The following NOC4L variants were observed in gnomAD, a reference collection of about 807,000 sequenced individuals.
The protein encoded by NOC4L is nucleolar complex associated 4 homolog, also known as nucleolar complex protein 4 homolog.
NOC4L carries 40 observed loss-of-function variants against 62.8 expected under a neutral mutation model. That is an observed-to-expected ratio of 0.64 (90% CI 0.49 to 0.83). The LOEUF is 0.83. NOC4L is among the 40% of genes least tolerant of loss of function. NOC4L has a pLI of 0.00. For synonymous variants in NOC4L, 433 were observed against 299.8 expected, an observed-to-expected ratio of 1.44 and a Z score of -4.59; for missense variants, 927 against 701.9, an observed-to-expected ratio of 1.32 and a Z score of -3.62.
At chr12:132,144,801 G>T in intron 1 of NOC4L, 53 bp from the exon 2 acceptor site, 1 of 1,566,390 alleles carries the variant, frequency 6.4e-7, no homozygotes, top group Non-Finnish European at 8.6e-7. Flanking sequence ...AGCCTAGGCA[G>T]GGGCGAAGGT....
At chr12:132,144,713 C>T in intron 1 of NOC4L, 108 bp downstream of exon 1, 3 of 1,425,392 alleles carry the variant, frequency 2.1e-6, no homozygotes, top group Non-Finnish European at 2.8e-6. Flanking sequence ...GTTGGGGGGT[C>T]AGGGTGGGAG....
Position 132,152,213 on chromosome 12 carries a change from AG to A in NOC4L, c.1431+19del. 6.2e-7 allele frequency: 1 copy of A among 1,608,462 alleles called. No homozygotes were observed. Among genetic ancestry groups the A allele is most frequent in the Non-Finnish European group, 8.5e-7 (1 of 1,178,142 alleles). On this transcript the variant is annotated intron_variant, in intron 14 of 14. Transcript: ENST00000330579. The stretch of plus-strand genomic sequence containing the variant: ...GGCCTACGAGGTGCGGAACTGGGCC[AG>A]GGTGCGAGGGTCTGGGCCACGGGGC...
At chr12:132,145,491 A>G (rs1004010206) in intron 2 of NOC4L, 68 bp from the exon 3 acceptor site, 1 of 1,065,102 alleles carries the variant, frequency 9.4e-7, no homozygotes, top group Non-Finnish European at 1.4e-6. Flanking sequence ...CAGGCCTGAG[A>G]TTTTGGGCTG....
At chr12:132,146,159 C>G in intron 3 of NOC4L, 1 of 443,986 alleles carries the variant, frequency 2.3e-6, no homozygotes, top group Non-Finnish European at 4.6e-6. Flanking sequence ...TTCCATATCC[C>G]GCCCCTTTCC....
intron 3 of NOC4L, among the ~76,000 whole-genome samples, chr12:132,146,572 C>T (rs143978860): frequency 3.9e-5 from 6 of 152,316 alleles, no homozygotes; most frequent in South Asian, 4.1e-4. Flanking sequence ...TCTTACCCTC[C>T]CCCTGGCAGC....
chr12:132,148,789 C>G lies in NOC4L; in HGVS notation c.795C>G (p.Pro265=). 6.3e-7 allele frequency: 1 copy of G among 1,583,388 alleles called. No individual in the cohort carries two copies. The highest frequency in any genetic ancestry group is 8.6e-7 in the Non-Finnish European group (1 of 1,166,544). Residue 265 remains proline, a synonymous_variant, in exon 9 of 15, where the codon CCC becomes CCG. Coordinates refer to ENST00000330579, the MANE Select transcript of NOC4L (RefSeq NM_024078.3). Reference sequence around the variant, plus strand: ...ACCTGCCGGCCCCCGCCCAGCTGCCCCTCAGCCTCTACAAGAAGGTGCTGC... The same window carrying G: ...ACCTGCCGGCCCCCGCCCAGCTGCCGCTCAGCCTCTACAAGAAGGTGCTGC... The part of the protein sequence containing the change: ...MWLSFLKHKL[P]LSLYKKVLLI...
At chr12:132,152,260 C>G (rs774950258) in intron 14 of NOC4L, 22 bp from the exon 15 acceptor site, 2 of 1,585,702 alleles carry the variant, frequency 1.3e-6, no homozygotes, top group Admixed American at 3.6e-5. Context: ...GCCTGAGAGC[C>G]GCCGTGCTTT....
At position 132,151,343 on chromosome 12, in the gene NOC4L, C is replaced by T. The variant is rs150774836; in HGVS notation, c.1048C>T (p.Leu350=). 4.5e-4 allele frequency: 725 copies of T among 1,611,020 alleles called. 2 individuals carry two copies. The highest frequency in any genetic ancestry group is 1.5e-3 in the South Asian group (135 of 91,092). ...HVKYRARFFH[L]ADLFLSSSHL... is the part of the protein sequence containing the mutation. ...CAAGTACCGCGCCCGCTTCTTCCAC[C>T]TGGCTGACCTCTTCCTGTCCTCCTC... Residue 350 remains leucine (L), a synonymous_variant, in exon 11 of 15, where the codon CTG becomes TTG. Transcript: ENST00000330579.
chr12:132,148,640 T>A lies in NOC4L; in HGVS notation c.770T>A (p.Leu257His). The change falls in exon 8 of 15, where the codon CTC (leucine) becomes CAC (histidine). Residue 257 changes from leucine to histidine, a missense_variant. Physicochemically the swap from Leu to His is moderately conservative, Grantham distance 99. Coordinates refer to ENST00000330579, the MANE Select transcript of NOC4L (RefSeq NM_024078.3). ...AGGAGGGTTTTCCAGGCCATGTGGC[T>A]CAGCTTCCTCAAGCACAAGGTAGGG... ...EHRRVFQAMWLSFLKHKLPLS... is the reference protein window; with the variant it reads ...EHRRVFQAMWHSFLKHKLPLS... 1 of 1,537,456 alleles carries A rather than the reference T, an allele frequency of 6.5e-7. No individual in the cohort carries two copies. Among genetic ancestry groups the A allele is most frequent in the Non-Finnish European group, 8.8e-7 (1 of 1,140,666 alleles).
intron 7 of NOC4L, 57 bp downstream of exon 7, chr12:132,148,163 G>T: frequency 6.4e-7 from 1 of 1,563,168 alleles, no homozygotes. Flanking sequence ...TGTGTGGGGT[G>T]CATGTGAGAC....
rs1306177323 is a variant in NOC4L, at chr12:132,144,482, G to C, written c.-7G>C. The C allele has an allele frequency of 6.6e-7, 1 of 1,523,458 alleles. No individual in the cohort carries two copies. Among genetic ancestry groups the C allele is most frequent in the African/African-American group, 1.4e-5 (1 of 69,672 alleles). The allele number at this position is 1,523,458 out of a possible 1,614,324, so 94.4% of individuals were successfully genotyped here. On this transcript the variant is annotated 5_prime_UTR_variant, in exon 1 of 15. Transcript: ENST00000330579. ...GAGAATCCGCGTTGTTCCGTGTTGG[G>C]GGCGGCATGGAGCGGGAGCCGGGCG...
In NOC4L at chr12:132,148,838, C is replaced by A; in HGVS notation, c.844C>A (p.Pro282Thr). 6.2e-7 allele frequency: 1 copy of A among 1,603,458 alleles called. No homozygotes were observed. The change falls in exon 9 of 15, where the codon CCG becomes ACG. Residue 282 changes from proline to threonine, a missense_variant. Coordinates refer to ENST00000330579, the MANE Select transcript of NOC4L (RefSeq NM_024078.3). ...VLLIVHDAIL[P>T]QLAQPTLMID... The stretch of plus-strand genomic sequence containing the variant: ...GCTGATTGTGCATGACGCCATCCTG[C>A]CGCAGCTGGCGCAGCCCACGCTCAT...
At chr12:132,151,078 C>A (rs1897920434) in intron 10 of NOC4L, 37 bp downstream of exon 10, 2 of 1,560,266 alleles carry the variant, frequency 1.3e-6, no homozygotes, top group Non-Finnish European at 1.8e-6. Context: ...TCTTCCCAGT[C>A]TGCCCAGCCC....
At chr12:132,148,561 T>C in intron 7 of NOC4L, 48 bp from the exon 8 acceptor site, 1 of 1,544,792 alleles carries the variant, frequency 6.5e-7, no homozygotes, top group Non-Finnish European at 8.7e-7. Flanking sequence ...GCTCGGGCTC[T>C]GGTCTGGGGT....
intron 9 of NOC4L, 35 bp downstream of exon 9, chr12:132,148,930 A>C: frequency 1.6e-6 from 1 of 644,852 alleles, no homozygotes; most frequent in South Asian, 2.2e-5. Flanking sequence ...CCACACCCCT[A>C]ATCCCCTCGG....
Position 132,151,282 on chromosome 12 carries a change from G to A in NOC4L, c.987G>A (p.Lys329=), listed in dbSNP as rs751838503. ...GGGAGTACCCTGACTTCTACCGGAA[G>A]CTCTACGGCCTCTTGGACCCCTCTG... ...HNLEYPDFYR[K]LYGLLDPSVF... is the part of the protein sequence containing the mutation. Residue 329 remains lysine (K), a synonymous_variant, in exon 11 of 15, where the codon AAG becomes AAA. Coordinates refer to ENST00000330579, the MANE Select transcript of NOC4L (RefSeq NM_024078.3). 1 of 1,611,908 alleles carries A rather than the reference G, an allele frequency of 6.2e-7. No homozygotes were observed. Among genetic ancestry groups the A allele is most frequent in the East Asian group, 2.2e-5 (1 of 44,882 alleles).
At chr12:132,151,095 T>C in intron 10 of NOC4L, 54 bp downstream of exon 10, 2 of 1,526,666 alleles carry the variant, frequency 1.3e-6, no homozygotes, top group Non-Finnish European at 1.8e-6. Context: ...GCCCTGCTCC[T>C]CTGTCCCCTT....
rs749375574 is a variant in NOC4L at position 132,147,760 on chromosome 12, G to T, written c.581G>T (p.Arg194Leu). The T allele has an allele frequency of 1.9e-6, 3 of 1,612,730 alleles. No individual in the cohort carries two copies. Among genetic ancestry groups the T allele is most frequent in the East Asian group, 2.2e-5 (1 of 44,872 alleles). ...TMQAAVDAVARVTGQHPEVPP... is the reference protein window; with the variant it reads ...TMQAAVDAVALVTGQHPEVPP... The stretch of plus-strand genomic sequence containing the variant: ...CAGGCAGCCGTGGATGCCGTGGCCC[G>T]GGTCACTGGCCAGCACCCCGAGGTG... Residue 194 changes from arginine (R) to leucine (L), a missense_variant, in exon 5 of 15, where the codon CGG becomes CTG. Physicochemically the swap from Arg to Leu is moderately radical, Grantham distance 102. Coordinates refer to ENST00000330579, the MANE Select transcript of NOC4L (RefSeq NM_024078.3).
At chr12:132,147,241 G>GT (rs1897756806) in intron 3 of NOC4L, 40 bp from the exon 4 acceptor site, 1 of 1,419,324 alleles carries the variant, frequency 7.0e-7, no homozygotes, top group African/African-American at 1.4e-5. Flanking sequence ...CATCCGTGGG[G>GT]TGAGGGCATC....
Sources: allele counts gnomAD v4.1 joint callset (sites outside exome capture counted in the v4.1 genomes callset), GRCh38; gene constraint gnomAD v4.1.1; transcripts MANE v1.5; gene names NCBI Gene and HGNC (gene_info 2026-07-23, HGNC 2026-07-21).